ALKAL2: variants seen among roughly 807,000 people sequenced by gnomAD.
ALKAL2 encodes AUG-alpha.
In ALKAL2, 8 loss-of-function variants were observed where a neutral mutation model predicts 18.5. The ratio of observed to expected loss-of-function variants is 0.43; its 90% confidence interval spans 0.25 to 0.78. ALKAL2 has a LOEUF of 0.78. Ranked by LOEUF, ALKAL2 falls within the 30% of genes least tolerant of loss-of-function variation. The pLI is 0.22. For synonymous variants in ALKAL2, 135 were observed against 95.8 expected (o/e 1.41, Z -2.39); for missense variants, 241 against 211.2 (o/e 1.14, Z -0.88).
chr2:282,524 C>T (rs1348033259), intron 5 of ALKAL2, among the ~76,000 whole-genome samples: 1 of 152,144 alleles, frequency 6.6e-6, no homozygotes, highest in Non-Finnish European at 1.5e-5. Context: ...TCAAAACATC[C>T]GCTGATGGTT....
At chr2:287,501 TG>T in intron 2 of ALKAL2, 81 bp downstream of exon 2, 1 of 1,014,868 alleles carries the variant, frequency 9.9e-7, no homozygotes. Context: ...TCAAAATTGA[TG>T]TCTCTTTTTG....
At position 287,593 on chromosome 2, in the gene ALKAL2, C is replaced by T. The variant is rs1385801887; in HGVS notation, c.243G>A (p.Glu81=). ...AEAAGLGPSP[E]QRVEIVPRDL... ...CTCGGCCCCACTCACCCACTCGCTG[C>T]TCCGGCGAAGGCCCCAGCCCCGCCG... Residue 81 remains glutamate (E), a synonymous_variant, in exon 2 of 6, where the codon GAG becomes GAA. Coordinates refer to ENST00000403610, the MANE Select transcript of ALKAL2 (RefSeq NM_001002919.3). 12 of 1,462,276 alleles carry T rather than the reference C, an allele frequency of 8.2e-6. No individual in the cohort carries two copies. The Admixed American group carries it at 3.0e-4, about 37-fold the overall frequency. 90.6% of individuals were successfully genotyped at this position (1,462,276 alleles called of 1,614,324 possible).
In ALKAL2 at chr2:280,114, T is replaced by C. The variant is rs1243548100; in HGVS notation, c.*33A>G. On this transcript the variant is annotated 3_prime_UTR_variant, in exon 6 of 6. Transcript: ENST00000403610. ...CTGTTGGTTTCCAAGGCACTTCTCA[T>C]GGCTCCTGGTGTGCTGCTCCTGTAC... 6.2e-7 allele frequency: 1 copy of C among 1,613,812 alleles called. No homozygotes were observed. The highest frequency in any genetic ancestry group is 1.3e-5 in the African/African-American group (1 of 74,948).
At chr2:284,794 T>G (rs1021516516) in intron 4 of ALKAL2, among the ~76,000 whole-genome samples, 1 of 152,146 alleles carries the variant, frequency 6.6e-6, no homozygotes, top group East Asian at 1.9e-4. Flanking sequence ...ACTTCCAAAT[T>G]TGGAATCTAT....
chr2:287,737 G>C lies in ALKAL2; in HGVS notation c.99C>G (p.Asp33Glu). ...CCACCAGCCGCAGCAGCGCCTGTCC[G>C]TCCGCCGGCTCCCGGGGCTCCGCGC... ...RGGAEPREPA[D>E]GQALLRLVVE... The change falls in exon 2 of 6, where the codon GAC becomes GAG. Residue 33 changes from aspartate to glutamate, a missense_variant. Coordinates refer to ENST00000403610, the MANE Select transcript of ALKAL2 (RefSeq NM_001002919.3). 6.9e-7 allele frequency: 1 copy of C among 1,459,196 alleles called. No homozygotes were observed. Among genetic ancestry groups the C allele is most frequent in the Middle Eastern group, 2.3e-4 (1 of 4,368 alleles). The allele number at this position is 1,459,196 out of a possible 1,614,324, so 90.4% of individuals were successfully genotyped here. A position where few individuals can be genotyped will look rare whatever the true frequency, so the allele number is the denominator to read the frequency against.
chr2:285,296 G>A (rs558137431), intron 4 of ALKAL2, among the ~76,000 whole-genome samples: 1 of 152,156 alleles, frequency 6.6e-6, no homozygotes, highest in African/African-American at 2.4e-5. Flanking sequence ...TTGGCTTTTC[G>A]TTTGTTTGTT....
At chr2:283,631 G>A (rs1387522995) in intron 4 of ALKAL2, 1 of 982,714 alleles carries the variant, frequency 1.0e-6, no homozygotes, top group African/African-American at 1.7e-5. Flanking sequence ...CAGCAGAGCA[G>A]AGGCCTGGAG....
chr2:280,430 A>G (rs1264259694), intron 5 of ALKAL2, among the ~76,000 whole-genome samples: 1 of 152,266 alleles, frequency 6.6e-6, no homozygotes, highest in Non-Finnish European at 1.5e-5. Context: ...TTAGTCTTAC[A>G]TGTGCTATCA....
At chr2:287,558 C>A in intron 2 of ALKAL2, 25 bp downstream of exon 2, 1 of 1,362,214 alleles carries the variant, frequency 7.3e-7, no homozygotes, top group Non-Finnish European at 9.4e-7. Flanking sequence ...AGCCCCGGCC[C>A]TCGGGCGCGC....
Position 287,866 on chromosome 2 carries a change from T to C in ALKAL2, c.-31A>G. On this transcript the variant is annotated 5_prime_UTR_variant, in exon 2 of 6. Transcript: ENST00000403610. ...GCTCGGGGCCGCGGGGCTGGGAGAC[T>C]CCGACACGCGCCGAGAGCTGGGCTC... 1.6e-6 allele frequency: 2 copies of C among 1,257,150 alleles called. No individual in the cohort carries two copies. The highest frequency in any genetic ancestry group is 2.0e-6 in the Non-Finnish European group (2 of 1,005,728). The allele number at this position is 1,257,150 out of a possible 1,614,324, so 77.9% of individuals were successfully genotyped here. A position where few individuals can be genotyped will look rare whatever the true frequency, so the allele number is the denominator to read the frequency against.
intron 2 of ALKAL2, 103 bp downstream of exon 2, chr2:287,480 C>A: frequency 3.7e-6 from 2 of 544,008 alleles, no homozygotes; most frequent in Non-Finnish European, 5.6e-6. Context: ...AGGAATCCTG[C>A]TGTTCAGTGG....
intron 5 of ALKAL2, among the ~76,000 whole-genome samples, chr2:280,475 T>TCA (rs1431280299): frequency 6.6e-6 from 1 of 152,244 alleles, no homozygotes; most frequent in African/African-American, 2.4e-5. Flanking sequence ...GGGATTAACC[T>TCA]GGCAGTTCTG....
chr2:287,631 C>G lies in ALKAL2; in HGVS notation c.205G>C (p.Gly69Arg). The G allele has an allele frequency of 6.7e-7, 1 of 1,481,550 alleles. No homozygotes were observed. Among genetic ancestry groups the G allele is most frequent in the South Asian group, 1.3e-5 (1 of 78,408 alleles). 91.8% of individuals were successfully genotyped at this position (1,481,550 alleles called of 1,614,324 possible). The change falls in exon 2 of 6, where the codon GGC becomes CGC. Residue 69 changes from glycine (G) to arginine (R), a missense_variant. Physicochemically the swap from Gly to Arg is moderately radical, Grantham distance 125. Coordinates refer to ENST00000403610, the MANE Select transcript of ALKAL2 (RefSeq NM_001002919.3). ...CCCAGCCCCGCCGCCTCCGCGCGGC[C>G]CAGGGCGCAGTCCCGCCCGAGGAGC... ...LQLLGRDCAL[G>R]RAEAAGLGPS... is the part of the protein sequence containing the mutation.
In ALKAL2 at chr2:280,024, G is replaced by A; in HGVS notation, c.*123C>T. On this transcript the variant is annotated 3_prime_UTR_variant, in exon 6 of 6. Transcript: ENST00000403610. Reference sequence around the variant, plus strand: ...TACAAAACTCAAAGGACTTATGGAAGAGTCTGTCTGCAAAAATAAATCTCT... The same window carrying A: ...TACAAAACTCAAAGGACTTATGGAAAAGTCTGTCTGCAAAAATAAATCTCT... The A allele has an allele frequency of 9.3e-7, 1 of 1,071,804 alleles. No individual in the cohort carries two copies. 66.4% of individuals were successfully genotyped at this position (1,071,804 alleles called of 1,614,324 possible).
At chr2:285,522 T>G (rs2103084183) in intron 4 of ALKAL2, among the ~76,000 whole-genome samples, 1 of 152,312 alleles carries the variant, frequency 6.6e-6, no homozygotes, top group Non-Finnish European at 1.5e-5. Context: ...AAGGAGCTAC[T>G]TTTGGAGAAA....
In ALKAL2 at chr2:283,161, C is replaced by T. The variant is rs763890344; in HGVS notation, c.403G>A (p.Ala135Thr). Residue 135 changes from alanine (A) to threonine (T), a missense_variant, in exon 5 of 6, where the codon GCC (alanine) becomes ACC (threonine). Physicochemically the swap from Ala to Thr is moderately conservative, Grantham distance 58 (BLOSUM62 0). Transcript: ENST00000403610. ...ACAGCCAGCCGGGTAAGAAGCCTGG[C>T]GCATCTTTTATAGTCTACGGTGAAA... is the stretch of plus-strand genomic sequence containing the variant. ...CTIPAYYKRC[A>T]RLLTRLAVSP... 38 of 1,612,922 alleles carry T rather than the reference C, an allele frequency of 2.4e-5. No individual in the cohort carries two copies. Among genetic ancestry groups the T allele is most frequent in the South Asian group, 6.6e-5 (6 of 90,704 alleles).
At position 285,489 on chromosome 2, in the gene ALKAL2, A is replaced by G. The variant is rs73146297; in HGVS notation, c.388+634T>C. Among the ~76,000 whole-genome samples the G allele has an allele frequency of 2.0e-3, 311 of 152,322 alleles. 1 individual carries two copies. Among genetic ancestry groups the G allele is most frequent in the African/African-American group, 7.2e-3 (298 of 41,556 alleles). On this transcript the variant is annotated intron_variant, in intron 4 of 5. Coordinates refer to ENST00000403610, the MANE Select transcript of ALKAL2 (RefSeq NM_001002919.3). ...GGGTTAGGGCCCTATCACTGTAGCT[A>G]ATAAGGCTTCAGTGAAGAGAACAAG...
chr2:285,732 A>G (rs1232149133), intron 4 of ALKAL2, among the ~76,000 whole-genome samples: 1 of 152,224 alleles, frequency 6.6e-6, no homozygotes, highest in Non-Finnish European at 1.5e-5. Context: ...AATGGGAAGA[A>G]AAAGTCTCTG....
intron 2 of ALKAL2, 178 bp from the exon 3 acceptor site, chr2:286,521 G>A (rs894259469): frequency 3.7e-6 from 2 of 543,502 alleles, no homozygotes; most frequent in Non-Finnish European, 3.2e-6. Flanking sequence ...TCAATATCAG[G>A]GACATTTATT....
Sources: allele counts gnomAD v4.1 joint callset (sites outside exome capture counted in the v4.1 genomes callset), GRCh38; gene constraint gnomAD v4.1.1; transcripts MANE v1.5; gene names NCBI Gene and HGNC (gene_info 2026-07-23, HGNC 2026-07-21).